MYO18B: variants seen among roughly 807,000 people sequenced by gnomAD.
The protein encoded by MYO18B is unconventional myosin-XVIIIb.
MYO18B carries 204 observed loss-of-function variants against 273.0 expected under a neutral mutation model. That is an observed-to-expected ratio of 0.75 (90% CI 0.67 to 0.84). The LOEUF is 0.84. Among genes scored for constraint, MYO18B ranks in the 40% least tolerant of loss-of-function variants. MYO18B has a pLI of 0.00. For synonymous variants in MYO18B, 1,330 were observed against 1,305.7 expected (o/e 1.02, Z -0.40); for missense variants, 3,212 against 3,287.6 (o/e 0.98, Z 0.56).
Position 25,789,406 on chromosome 22 carries a change from C to T in MYO18B, c.2376+3915C>T, listed in dbSNP as rs543438626. 1.1e-4 allele frequency among the ~76,000 whole-genome samples: 16 copies of T among 152,016 alleles called. No individual in the cohort carries two copies. The East Asian group carries it at 2.5e-3, about 24-fold the overall frequency. On this transcript the variant is annotated intron_variant, in intron 11 of 43. Transcript: ENST00000335473. ...ATCCCAGCACGTTGGGAGGCTGAGG[C>T]GGGCGGATCACCTGAGGTCAGGAGT...
chr22:26,061,193 A>G, the MYO18B span, among the ~76,000 whole-genome samples: 1 of 152,162 alleles, frequency 6.6e-6, no homozygotes, highest in Admixed American at 6.5e-5. Context: ...TTCCTGCTGT[A>G]CTGTTCTCTG....
chr22:25,913,510 C>T (rs2092201324), intron 33 of MYO18B, among the ~76,000 whole-genome samples: 1 of 152,178 alleles, frequency 6.6e-6, no homozygotes, highest in South Asian at 2.1e-4. Context: ...ACTACAGGCG[C>T]CCGCCACCAC....
intron 39 of MYO18B, 40 bp downstream of exon 39, chr22:25,955,404 G>T: frequency 1.9e-6 from 3 of 1,570,300 alleles, no homozygotes; most frequent in South Asian, 2.3e-5. Context: ...GCGACTGAGG[G>T]TTTGCAATGT....
chr22:25,772,297 A>G, intron 6 of MYO18B, 37 bp from the exon 7 acceptor site: 1 of 1,592,682 alleles, frequency 6.3e-7, no homozygotes, highest in Non-Finnish European at 8.6e-7. Flanking sequence ...CCAGAAGGCC[A>G]GAAGGCCAGA....
chr22:25,931,135 C>A (rs563046658), intron 34 of MYO18B, among the ~76,000 whole-genome samples: 1 of 152,206 alleles, frequency 6.6e-6, no homozygotes, highest in African/African-American at 2.4e-5. Flanking sequence ...ATTTGAAGAG[C>A]CTTTTTTAAA....
intron 8 of MYO18B, among the ~76,000 whole-genome samples, chr22:25,778,825 A>G (rs975181890): frequency 1.2e-4 from 18 of 150,432 alleles, no homozygotes; most frequent in African/African-American, 4.4e-4. Context: ...AAACAGCCCT[A>G]TAAGGTAGGT....
intron 1 of MYO18B, among the ~76,000 whole-genome samples, chr22:25,753,433 C>T (rs906216139): frequency 6.6e-6 from 1 of 152,150 alleles, no homozygotes; most frequent in East Asian, 1.9e-4. Flanking sequence ...CCAATCAGCT[C>T]TCTGTAAAAT....
At position 25,883,629 on chromosome 22, in the gene MYO18B, C is replaced by G. The variant is rs1354580491; in HGVS notation, c.4314+5581C>G. On this transcript the variant is annotated intron_variant, in intron 25 of 43. Transcript: ENST00000335473. This position sits in a 1 kb window ranked among gnomAD's most constrained non-coding sequence, Gnocchi z 7.6. ...TCTGTTAACAGACAGGGATCAGACA[C>G]CCTTCCAGGACCATGCATCATGATG... 6.6e-6 allele frequency: 1 copy of G among 152,186 alleles called. No homozygotes were observed. The highest frequency in any genetic ancestry group is 1.5e-5 in the Non-Finnish European group (1 of 68,034). 9.4% of individuals were successfully genotyped at this position (152,186 alleles called of 1,614,324 possible). A position where few individuals can be genotyped will look rare whatever the true frequency, so the allele number is the denominator to read the frequency against.
intron 32 of MYO18B, among the ~76,000 whole-genome samples, chr22:25,910,168 C>T (rs2092127922): frequency 6.6e-6 from 1 of 152,172 alleles, no homozygotes; most frequent in African/African-American, 2.4e-5. Flanking sequence ...GCTGCTGTAG[C>T]AGAATATTAT....
Position 25,835,452 on chromosome 22 carries a change from G to A in MYO18B, c.3208+9G>A. On this transcript the variant is annotated intron_variant, in intron 17 of 43. Transcript: ENST00000335473. ...AGGAGCTGGGACTGAAGGTAAGGAA[G>A]CAGGGGGCTGGGGATGGGGCCTGAG... is the stretch of plus-strand genomic sequence containing the variant. 6.2e-7 allele frequency: 1 copy of A among 1,613,600 alleles called. No homozygotes were observed. The highest frequency in any genetic ancestry group is 8.5e-7 in the Non-Finnish European group (1 of 1,179,870).
downstream of MYO18B, among the ~76,000 whole-genome samples, chr22:26,034,560 G>A (rs887709190): frequency 4.9e-5 from 7 of 141,504 alleles, no homozygotes; most frequent in Non-Finnish European, 4.5e-5. Flanking sequence ...GCTCCCTGAT[G>A]CCTCTGTGGC....
chr22:25,803,906 G>A (rs1192964158), intron 12 of MYO18B, among the ~76,000 whole-genome samples: 1 of 149,864 alleles, frequency 6.7e-6, no homozygotes, highest in Non-Finnish European at 1.5e-5. Flanking sequence ...TGAACTTGTT[G>A]GGGTTTACAC....
At chr22:25,870,541 T>A (rs545648582) in intron 22 of MYO18B, among the ~76,000 whole-genome samples, 1 of 152,246 alleles carries the variant, frequency 6.6e-6, no homozygotes, top group Non-Finnish European at 1.5e-5. Context: ...ATGCGTCTAT[T>A]GTTGACGGAA....
At position 25,777,596 on chromosome 22, in the gene MYO18B, G is replaced by A. The variant is rs574569033; in HGVS notation, c.1883G>A (p.Arg628His). Residue 628 changes from arginine (R) to histidine (H), a missense_variant, in exon 8 of 44, where the codon CGC (arginine) becomes CAC (histidine). Physicochemically the swap from Arg to His is conservative, Grantham distance 29. Transcript: ENST00000335473. The part of the protein sequence containing the change: ...VPSAGKVPKG[R>H]RDGLPAHIGS... ...ATCTTCCTGCAGGTGCCCAAGGGCC[G>A]CCGGGATGGCCTGCCTGCCCACATT... The A allele has an allele frequency of 6.3e-6, 10 of 1,592,510 alleles. No individual in the cohort carries two copies. In the East Asian group the frequency reaches 1.1e-4, roughly 18 times the overall value.
At chr22:25,909,405 A>G (rs1223134804) in intron 32 of MYO18B, among the ~76,000 whole-genome samples, 1 of 152,190 alleles carries the variant, frequency 6.6e-6, no homozygotes, top group African/African-American at 2.4e-5. Context: ...TATTCTAAAA[A>G]CAGATATAAA....
At chr22:25,773,131 T>C (rs2086784622) in intron 7 of MYO18B, among the ~76,000 whole-genome samples, 1 of 152,146 alleles carries the variant, frequency 6.6e-6, no homozygotes. Flanking sequence ...AGCGCCACCT[T>C]GTGGACGCAC....
Position 25,877,996 on chromosome 22 carries a change from C to T in MYO18B, c.4262C>T (p.Ser1421Leu). Residue 1421 changes from serine to leucine, a missense_variant, in exon 25 of 44, where the codon TCA (serine) becomes TTA (leucine). Transcript: ENST00000335473. ...LTTLRRKLEK[S>L]EKLRNELRQN... is the part of the protein sequence containing the mutation. ...ACGCTAAGACGGAAGCTAGAAAAAT[C>T]AGAGAAGTTGCGGAATGAACTCCGG... The T allele has an allele frequency of 6.3e-7, 1 of 1,584,058 alleles. No homozygotes were observed. Among genetic ancestry groups the T allele is most frequent in the Non-Finnish European group, 8.6e-7 (1 of 1,164,762 alleles).
In MYO18B at chr22:25,768,144, C is replaced by T. The variant is rs1005224060; in HGVS notation, c.228C>T (p.Asn76=). 6.2e-6 allele frequency: 10 copies of T among 1,605,294 alleles called. No homozygotes were observed. In the Admixed American group the frequency reaches 1.4e-4, roughly 22 times the overall value. The change falls in exon 4 of 44, where the codon AAC becomes AAT. Residue 76 remains asparagine, a synonymous_variant. Coordinates refer to ENST00000335473, the MANE Select transcript of MYO18B (RefSeq NM_032608.7). ...EIPEISISQP[N]SKSSSGTRSG... ...CAGAAATTTCCATCAGCCAACCCAA[C>T]AGCAAGTCCAGCAGTGGCACCAGAT... is the stretch of plus-strand genomic sequence containing the variant.
At chr22:25,920,534 G>A (rs1469559516) in intron 33 of MYO18B, among the ~76,000 whole-genome samples, 1 of 152,150 alleles carries the variant, frequency 6.6e-6, no homozygotes, top group African/African-American at 2.4e-5. Flanking sequence ...GCTGTCCCTG[G>A]CAAATTCAAG....
Sources: allele counts gnomAD v4.1 joint callset (sites outside exome capture counted in the v4.1 genomes callset), GRCh38; gene constraint gnomAD v4.1.1; non-coding constraint Gnocchi (gnomAD v3.1); transcripts MANE v1.5; gene names NCBI Gene and HGNC (gene_info 2026-07-23, HGNC 2026-07-21).